Variants in HHAT observed in about 807,000 individuals in gnomAD.
HHAT encodes the protein hedgehog acyltransferase, also known as protein-cysteine N-palmitoyltransferase HHAT.
A neutral mutation model predicts 70.8 loss-of-function variants in HHAT; 47 were observed. The ratio of observed to expected loss-of-function variants is 0.66; its 90% confidence interval spans 0.53 to 0.85. The LOEUF (loss-of-function observed/expected upper bound fraction) is 0.85. Ranked by LOEUF, HHAT falls within the 40% of genes least tolerant of loss-of-function variation. HHAT has a pLI of 0.00. For synonymous variants in HHAT, 228 were observed against 247.6 expected, an observed-to-expected ratio of 0.92 and a Z score of 0.74; for missense variants, 609 against 604.8, an observed-to-expected ratio of 1.01 and a Z score of -0.07.
chr1:210,441,073 T>C (rs544542508), intron 7 of HHAT, among the ~76,000 whole-genome samples: 16 of 152,338 alleles, frequency 1.1e-4, no homozygotes, highest in African/African-American at 3.8e-4. Context: ...CTAGTGTAAC[T>C]TGAACTAGCC....
At chr1:210,510,822 G>GT (rs564738812) in intron 8 of HHAT, among the ~76,000 whole-genome samples, 1 of 152,234 alleles carries the variant, frequency 6.6e-6, no homozygotes, top group South Asian at 2.1e-4. Flanking sequence ...TTTCATTACT[G>GT]TTTCAGTGCC....
At chr1:210,620,470 C>T (rs1367518324) in intron 10 of HHAT, among the ~76,000 whole-genome samples, 1 of 152,198 alleles carries the variant, frequency 6.6e-6, no homozygotes, top group African/African-American at 2.4e-5. Flanking sequence ...ACAGATCCCA[C>T]CCCCTTTTCC....
chr1:210,439,587 T>C (rs1043694589), intron 7 of HHAT: 1 of 151,996 alleles, frequency 6.6e-6, no homozygotes, highest in East Asian at 1.9e-4. Flanking sequence ...TAATGTAAAG[T>C]AGAAAAACCT....
chr1:210,411,976 A>G (rs151301968), intron 6 of HHAT, among the ~76,000 whole-genome samples: 201 of 152,302 alleles, frequency 1.3e-3, no homozygotes, highest in African/African-American at 4.6e-3. Context: ...TATTTCTCAC[A>G]GTTCTAGAGG....
At chr1:210,433,415 A>G (rs1268208409) in intron 7 of HHAT, among the ~76,000 whole-genome samples, 2 of 151,944 alleles carry the variant, frequency 1.3e-5, no homozygotes, top group Admixed American at 6.5e-5. Context: ...TGCGTCGTAC[A>G]TTATTGCTCC....
intron 10 of HHAT, among the ~76,000 whole-genome samples, chr1:210,601,746 C>G (rs1314328334): frequency 6.6e-6 from 1 of 152,056 alleles, no homozygotes; most frequent in Non-Finnish European, 1.5e-5. Flanking sequence ...CATAATAAAA[C>G]CATGAAATGG....
At chr1:210,566,483 C>T (rs936449962) in intron 9 of HHAT, among the ~76,000 whole-genome samples, 4 of 152,014 alleles carry the variant, frequency 2.6e-5, no homozygotes, top group Admixed American at 2.6e-4. Flanking sequence ...TCGCAACCAT[C>T]GCACCCCTAT....
At chr1:210,575,209 C>A (rs113543220) in intron 9 of HHAT, among the ~76,000 whole-genome samples, 1 of 152,092 alleles carries the variant, frequency 6.6e-6, no homozygotes, top group Admixed American at 6.5e-5. Context: ...TCCTTATTGG[C>A]CCCTTTACTT....
chr1:210,508,901 G>T (rs1327093356), intron 8 of HHAT, among the ~76,000 whole-genome samples: 1 of 152,076 alleles, frequency 6.6e-6, no homozygotes, highest in Non-Finnish European at 1.5e-5. Context: ...TTAAAATGTT[G>T]AAATAATCTT....
chr1:210,487,900 A>C (rs2094496813), intron 8 of HHAT, among the ~76,000 whole-genome samples: 1 of 152,118 alleles, frequency 6.6e-6, no homozygotes. Context: ...TTTATTCACC[A>C]TCCATTTCCT....
chr1:210,525,991 A>G (rs2095239576), intron 9 of HHAT, among the ~76,000 whole-genome samples: 1 of 152,182 alleles, frequency 6.6e-6, no homozygotes, highest in African/African-American at 2.4e-5. Flanking sequence ...CGGTTGCTGC[A>G]TCTGGTAGAA....
At chr1:210,501,409 T>C (rs2094751590) in intron 8 of HHAT, among the ~76,000 whole-genome samples, 1 of 152,122 alleles carries the variant, frequency 6.6e-6, no homozygotes, top group Non-Finnish European at 1.5e-5. Context: ...GGCAGGAAAA[T>C]AGAAACCACT....
At chr1:210,336,676 C>T (rs1571677580) in intron 1 of HHAT, among the ~76,000 whole-genome samples, 1 of 152,052 alleles carries the variant, frequency 6.6e-6, no homozygotes, top group East Asian at 1.9e-4. Flanking sequence ...CCCAGCTACT[C>T]CTGAAGCTAA....
In HHAT at chr1:210,674,502, C is replaced by T; in HGVS notation, c.*123C>T. The T allele has an allele frequency of 1.5e-6, 1 of 661,594 alleles. No individual in the cohort carries two copies. The highest frequency in any genetic ancestry group is 1.9e-5 in the South Asian group (1 of 51,560). 41.0% of individuals were successfully genotyped at this position (661,594 alleles called of 1,614,324 possible). A position where few individuals can be genotyped will look rare whatever the true frequency, so the allele number is the denominator to read the frequency against. ...CTGCTCATCTTCAGTTGAATGCCCT[C>T]ACTCCAAGACTGGATGCTGGATCTC... On this transcript the variant is annotated 3_prime_UTR_variant, in exon 12 of 12. Coordinates refer to ENST00000261458, the MANE Select transcript of HHAT (RefSeq NM_018194.6).
chr1:210,495,622 C>T (rs1311122320), intron 8 of HHAT, among the ~76,000 whole-genome samples: 1 of 152,040 alleles, frequency 6.6e-6, no homozygotes, highest in Non-Finnish European at 1.5e-5. Flanking sequence ...GAAGGAATTC[C>T]AGATATTTGT....
At chr1:210,538,818 T>C (rs1040427760) in intron 9 of HHAT, among the ~76,000 whole-genome samples, 1 of 152,242 alleles carries the variant, frequency 6.6e-6, no homozygotes. Flanking sequence ...GGCTAATGCC[T>C]GTAATCCCAG....
intron 11 of HHAT, among the ~76,000 whole-genome samples, chr1:210,669,014 C>T (rs1399118851): frequency 6.6e-6 from 1 of 152,154 alleles, no homozygotes; most frequent in Non-Finnish European, 1.5e-5. Flanking sequence ...ACCTCGTGAT[C>T]CACCCGCCTC....
intron 10 of HHAT, among the ~76,000 whole-genome samples, chr1:210,601,013 C>T (rs1489114658): frequency 6.6e-6 from 1 of 151,908 alleles, no homozygotes; most frequent in African/African-American, 2.4e-5. Flanking sequence ...TCTATTTATA[C>T]ACTTAATTGA....
At chr1:210,601,695 A>G (rs1179302879) in intron 10 of HHAT, among the ~76,000 whole-genome samples, 1 of 152,258 alleles carries the variant, frequency 6.6e-6, no homozygotes, top group East Asian at 1.9e-4. Flanking sequence ...CTGGCCTCCT[A>G]TCAGAGTACT....
Sources: allele counts gnomAD v4.1 joint callset (sites outside exome capture counted in the v4.1 genomes callset), GRCh38; gene constraint gnomAD v4.1.1; transcripts MANE v1.5; gene names NCBI Gene and HGNC (gene_info 2026-07-23, HGNC 2026-07-21).